Variants in FKBP5 observed in about 807,000 individuals in gnomAD.
The protein encoded by FKBP5 is FKBP prolyl isomerase 5.
A neutral mutation model predicts 50.5 loss-of-function variants in FKBP5; 23 were observed. That is an observed-to-expected ratio of 0.46 (90% confidence interval 0.33 to 0.65). The LOEUF (loss-of-function observed/expected upper bound fraction) is 0.65, where lower values mean the gene tolerates loss of function less well. Among genes scored for constraint, FKBP5 ranks in the 30% least tolerant of loss-of-function variants. The pLI is 0.02. For missense variants in FKBP5, 411 were observed against 553.1 expected, an observed-to-expected ratio of 0.74 and a Z score of 2.58; for synonymous variants, 176 against 190.6, an observed-to-expected ratio of 0.92 and a Z score of 0.63.
chr6:35,712,485 C>T (rs913805062), intron 2 of FKBP5, among the ~76,000 whole-genome samples: 1 of 151,964 alleles, frequency 6.6e-6, no homozygotes, highest in Admixed American at 6.6e-5. Context: ...AGCATTGAGA[C>T]CCTTATGGTT....
chr6:35,726,792 A>T (rs1164686310), intron 1 of FKBP5, among the ~76,000 whole-genome samples: 1 of 152,198 alleles, frequency 6.6e-6, no homozygotes, highest in Admixed American at 6.5e-5. Context: ...TTTATTGAAC[A>T]TGAACTCCGG....
intron 8 of FKBP5, chr6:35,583,469 G>T (rs1443530171): frequency 1.0e-6 from 1 of 985,284 alleles, no homozygotes; most frequent in Admixed American, 6.2e-5. Flanking sequence ...GAAAGCTCTT[G>T]CATATATATC....
chr6:35,621,350 T>C (rs1239197572), intron 3 of FKBP5, among the ~76,000 whole-genome samples: 1 of 152,094 alleles, frequency 6.6e-6, no homozygotes, highest in Non-Finnish European at 1.5e-5. Context: ...TGGTGGGGCA[T>C]GGTGGCTCAC....
At chr6:35,679,877 T>C (rs1482712453) in intron 1 of FKBP5, among the ~76,000 whole-genome samples, 1 of 152,096 alleles carries the variant, frequency 6.6e-6, no homozygotes, top group Non-Finnish European at 1.5e-5. Context: ...AATTCATCCA[T>C]GTAACCAAAA....
At chr6:35,629,166 G>A (rs1224336350) in intron 3 of FKBP5, among the ~76,000 whole-genome samples, 1 of 152,188 alleles carries the variant, frequency 6.6e-6, no homozygotes, top group African/African-American at 2.4e-5. Flanking sequence ...GTGAAGGCAT[G>A]TGATCATAGC....
intron 2 of FKBP5, among the ~76,000 whole-genome samples, chr6:35,714,272 T>A (rs1337372125): frequency 7.2e-6 from 1 of 138,974 alleles, no homozygotes. Flanking sequence ...GCCAACATGG[T>A]GAAACCCCGT....
intron 1 of FKBP5, among the ~76,000 whole-genome samples, chr6:35,727,190 T>C (rs1766731422): frequency 2.0e-5 from 3 of 152,178 alleles, no homozygotes; most frequent in Admixed American, 1.3e-4. Context: ...CTTAACCTCA[T>C]GGTGACATTC....
At chr6:35,600,073 G>A (rs2150965599) in intron 5 of FKBP5, among the ~76,000 whole-genome samples, 1 of 152,274 alleles carries the variant, frequency 6.6e-6, no homozygotes. Flanking sequence ...ACTGAATATT[G>A]TAGGCAACTG....
intron 1 of FKBP5, among the ~76,000 whole-genome samples, chr6:35,722,176 G>GTT (rs143069949): frequency 8.1e-5 from 12 of 147,418 alleles, no homozygotes; most frequent in African/African-American, 2.5e-4. Context: ...TATTTGTTCT[G>GTT]TTTTTTTTTT....
intron 1 of FKBP5, among the ~76,000 whole-genome samples, chr6:35,643,735 A>G (rs1216048816): frequency 1.3e-5 from 2 of 152,152 alleles, no homozygotes; most frequent in African/African-American, 4.8e-5. Flanking sequence ...CTTCTGTCAT[A>G]CCAACCTTGA....
chr6:35,722,708 C>T lies in FKBP5; in HGVS notation c.-240-2160G>A, dbSNP rs757734642. On this transcript the variant is annotated intron_variant, in intron 1 of 11. Coordinates refer to the FKBP5 transcript ENST00000536438. ...TACACACTGTTCCTTCTACCTGGAA[C>T]GTCCTGCACCCTTGCTCTGCCTGGC... 4.5e-4 allele frequency among the ~76,000 whole-genome samples: 69 copies of T among 152,198 alleles called. 1 individual carries two copies. The highest frequency in any genetic ancestry group is 2.1e-4 in the Non-Finnish European group (14 of 68,034).
intron 5 of FKBP5, among the ~76,000 whole-genome samples, chr6:35,607,430 C>T (rs1175645503): frequency 6.6e-6 from 1 of 151,824 alleles, no homozygotes. Flanking sequence ...TCTTAAACTC[C>T]TGGGCTCAAG....
chr6:35,676,102 A>G (rs1186404078), intron 1 of FKBP5, among the ~76,000 whole-genome samples: 1 of 152,232 alleles, frequency 6.6e-6, no homozygotes, highest in Admixed American at 6.5e-5. Flanking sequence ...AGAGAAAAAG[A>G]GGGATTTGAC....
At chr6:35,584,853 G>C in intron 8 of FKBP5, 1 of 985,400 alleles carries the variant, frequency 1.0e-6, no homozygotes. Context: ...TCCAAAGATT[G>C]GTAATTTTAA....
chr6:35,597,448 G>T, intron 5 of FKBP5, 44 bp from the exon 6 acceptor site: 4 of 1,584,892 alleles, frequency 2.5e-6, no homozygotes, highest in Non-Finnish European at 3.4e-6. Flanking sequence ...TGCTTCTTAG[G>T]ACTGGCTAAT....
At chr6:35,631,826 G>A (rs1764166673) in intron 3 of FKBP5, among the ~76,000 whole-genome samples, 1 of 151,926 alleles carries the variant, frequency 6.6e-6, no homozygotes, top group African/African-American at 2.4e-5. Flanking sequence ...ATGGTAGTAT[G>A]CACCTGTAGT....
At chr6:35,722,336 C>T (rs909358154) in intron 1 of FKBP5, among the ~76,000 whole-genome samples, 1 of 152,150 alleles carries the variant, frequency 6.6e-6, no homozygotes, top group Admixed American at 6.5e-5. Context: ...AATGAATGAG[C>T]TTTGGAAATA....
At chr6:35,720,953 G>T (rs1234083271) in intron 1 of FKBP5, among the ~76,000 whole-genome samples, 2 of 152,162 alleles carry the variant, frequency 1.3e-5, no homozygotes, top group Non-Finnish European at 2.9e-5. Context: ...GCTTAAAGTG[G>T]TAAAGTGCTA....
At chr6:35,623,827 C>T (rs551389105) in intron 3 of FKBP5, among the ~76,000 whole-genome samples, 58 of 151,876 alleles carry the variant, frequency 3.8e-4, no homozygotes, top group Non-Finnish European at 7.6e-4. Flanking sequence ...AGAGAATCTC[C>T]TGCCTCTGCC....
Sources: allele counts gnomAD v4.1 joint callset (sites outside exome capture counted in the v4.1 genomes callset), GRCh38; gene constraint gnomAD v4.1.1; transcripts MANE v1.5; gene names NCBI Gene and HGNC (gene_info 2026-07-23, HGNC 2026-07-21).